Variants in CLVS1 observed in about 807,000 individuals in gnomAD.
CLVS1 encodes clavesin-1.
CLVS1 carries 10 observed loss-of-function variants against 33.1 expected under a neutral mutation model. The observed-to-expected ratio is 0.30, with a 90% CI of 0.19 to 0.51. The LOEUF (loss-of-function observed/expected upper bound fraction) is 0.51, where lower values mean the gene tolerates loss of function less well. Ranked by LOEUF, CLVS1 falls within the 20% of genes least tolerant of loss-of-function variation. CLVS1 has a pLI of 0.97. For missense variants in CLVS1, 343 were observed against 433.4 expected, an observed-to-expected ratio of 0.79 and a Z score of 1.85; for synonymous variants, 163 against 166.1, an observed-to-expected ratio of 0.98 and a Z score of 0.14.
intron 2 of CLVS1, among the ~76,000 whole-genome samples, chr8:61,243,578 G>A (rs1176720815): frequency 1.3e-5 from 2 of 152,146 alleles, no homozygotes; most frequent in Non-Finnish European, 2.9e-5. Context: ...CTTCTGGTTA[G>A]TTTTTCTGAT....
chr8:61,318,849 G>A (rs75397128), intron 2 of CLVS1, among the ~76,000 whole-genome samples: 2,078 of 152,148 alleles, frequency 0.014, 41 homozygotes, highest in African/African-American at 0.047. Context: ...GGGCTCTGAA[G>A]AGCCTTCTGC....
At chr8:61,371,764 G>A (rs1253926226) in intron 2 of CLVS1, among the ~76,000 whole-genome samples, 1 of 152,112 alleles carries the variant, frequency 6.6e-6, no homozygotes, top group Non-Finnish European at 1.5e-5. Flanking sequence ...GTTGACTTAG[G>A]TTTTAAAGCC....
the CLVS1 span, among the ~76,000 whole-genome samples, chr8:61,003,632 C>T: frequency 5.3e-5 from 8 of 152,190 alleles, no homozygotes; most frequent in Admixed American, 6.5e-5. Flanking sequence ...GTCTTGTGCC[C>T]AGGTTTCCAT....
the CLVS1 span, among the ~76,000 whole-genome samples, chr8:61,023,662 G>C: frequency 6.6e-6 from 1 of 152,194 alleles, no homozygotes; most frequent in African/African-American, 2.4e-5. Context: ...GGCGGGCCCG[G>C]TGAGTCGCAG....
At chr8:61,037,511 A>C in the CLVS1 span, among the ~76,000 whole-genome samples, 5 of 152,176 alleles carry the variant, frequency 3.3e-5, no homozygotes, top group Admixed American at 6.5e-5. Context: ...TATGTGCCAC[A>C]TTTTAAAGAT....
chr8:61,302,953 C>T (rs1261187244), intron 2 of CLVS1, among the ~76,000 whole-genome samples: 3 of 152,166 alleles, frequency 2.0e-5, no homozygotes, highest in Non-Finnish European at 4.4e-5. Context: ...TGTCACCAGA[C>T]AGCACTAGGG....
chr8:61,082,344 GAAAAGA>G (rs1356198119), intron 1 of CLVS1, among the ~76,000 whole-genome samples: 1 of 151,880 alleles, frequency 6.6e-6, no homozygotes, highest in Non-Finnish European at 1.5e-5. Flanking sequence ...ATACTAGAAA[GAAAAGA>G]AAAAGAAAAA....
the CLVS1 span, among the ~76,000 whole-genome samples, chr8:61,048,194 AG>A: frequency 6.6e-6 from 1 of 152,228 alleles, no homozygotes; most frequent in East Asian, 1.9e-4. Context: ...ACAAGGGCTC[AG>A]ATCCTGCACG....
intron 2 of CLVS1, among the ~76,000 whole-genome samples, chr8:61,372,582 C>G (rs369966211): frequency 6.6e-6 from 1 of 151,700 alleles, no homozygotes; most frequent in Admixed American, 6.6e-5. Context: ...AATGTCCATA[C>G]GTTATTTGGA....
At chr8:61,099,830 G>T (rs1480426420) in intron 1 of CLVS1, among the ~76,000 whole-genome samples, 1 of 152,224 alleles carries the variant, frequency 6.6e-6, no homozygotes, top group Admixed American at 6.5e-5. Flanking sequence ...CATCAGAAAT[G>T]ATTCCAATCC....
At chr8:61,416,683 A>G (rs958639183) in intron 3 of CLVS1, among the ~76,000 whole-genome samples, 16 of 152,304 alleles carry the variant, frequency 1.1e-4, no homozygotes, top group Middle Eastern at 3.4e-3. Flanking sequence ...TGGACAAAAC[A>G]TGTGCAATCA....
At chr8:61,336,962 A>C (rs7000646) in intron 2 of CLVS1, among the ~76,000 whole-genome samples, 75,966 of 152,034 alleles carry the variant, frequency 0.5, 19,488 homozygotes, top group East Asian at 0.82. Context: ...CAATTGGGAA[A>C]CATAAGGTAA....
chr8:61,372,191 T>A (rs4738888), intron 2 of CLVS1, among the ~76,000 whole-genome samples: 86,146 of 151,882 alleles, frequency 0.57, 28,535 homozygotes, highest in Non-Finnish European at 0.73. Flanking sequence ...TCAAAAAAAA[T>A]TTCCCCCTGA....
the CLVS1 span, among the ~76,000 whole-genome samples, chr8:61,006,438 G>A: frequency 6.6e-6 from 1 of 152,170 alleles, no homozygotes; most frequent in African/African-American, 2.4e-5. Flanking sequence ...GGCCCGAGGA[G>A]GAGGGAAGCA....
At chr8:61,238,792 CTGCT>C (rs1808626967) in intron 2 of CLVS1, among the ~76,000 whole-genome samples, 1 of 152,240 alleles carries the variant, frequency 6.6e-6, no homozygotes, top group Admixed American at 6.5e-5. Context: ...TTTAATCAAT[CTGCT>C]ATTGGAGCTA....
chr8:61,496,128 C>T (rs1051205206), intron 5 of CLVS1, among the ~76,000 whole-genome samples: 1 of 152,224 alleles, frequency 6.6e-6, no homozygotes, highest in African/African-American at 2.4e-5. Context: ...AGAGGCTGCA[C>T]AACTCCTTAC....
intron 1 of CLVS1, among the ~76,000 whole-genome samples, chr8:61,079,622 A>G (rs114680896): frequency 0.016 from 2,369 of 152,296 alleles, 69 homozygotes; most frequent in African/African-American, 0.054. Context: ...CGTGCCCTGC[A>G]TAGACTAACA....
chr8:61,155,224 G>T (rs1318533000), intron 2 of CLVS1, among the ~76,000 whole-genome samples: 1 of 152,186 alleles, frequency 6.6e-6, no homozygotes, highest in Non-Finnish European at 1.5e-5. Flanking sequence ...TCTCCTAAAG[G>T]ATACGCATAG....
intron 3 of CLVS1, among the ~76,000 whole-genome samples, chr8:61,408,835 CTA>C (rs1443331983): frequency 6.6e-6 from 1 of 152,110 alleles, no homozygotes; most frequent in Non-Finnish European, 1.5e-5. Context: ...GAACAGTGAT[CTA>C]TAGAGTAAAA....
Sources: gnomAD v4.1 joint callset for allele counts (sites outside exome capture counted in the v4.1 genomes callset) on GRCh38, gnomAD v4.1.1 for gene constraint, MANE v1.5 for transcripts, NCBI Gene and HGNC (gene_info 2026-07-23, HGNC 2026-07-21) for gene names.